Variants in NLRP8 observed in about 807,000 individuals in gnomAD.
The protein encoded by NLRP8 is NLR family pyrin domain containing 8.
In NLRP8, 86 loss-of-function variants were observed where a neutral mutation model predicts 88.7. The ratio of observed to expected loss-of-function variants is 0.97; its 90% CI spans 0.81 to 1.16. The LOEUF (loss-of-function observed/expected upper bound fraction) is 1.16, where lower values mean the gene tolerates loss of function less well. Among genes scored for constraint, NLRP8 ranks in the 50% most tolerant of loss-of-function variants. NLRP8 has a pLI of 0.00. For missense variants in NLRP8, 1,342 were observed against 1,286.5 expected, an observed-to-expected ratio of 1.04 and a Z score of -0.66; for synonymous variants, 504 against 494.6, an observed-to-expected ratio of 1.02 and a Z score of -0.25.
chr19:55,955,827 T>G lies in NLRP8; in HGVS notation c.1769T>G (p.Val590Gly). 1 of 1,614,134 alleles carries G rather than the reference T, an allele frequency of 6.2e-7. No homozygotes were observed. Among genetic ancestry groups the G allele is most frequent in the Non-Finnish European group, 8.5e-7 (1 of 1,180,018 alleles). ...GGTAATAAGAGGAAACTGCTGAAAG[T>G]CATACCTCTGTTGCATAAATGTGAC... The change falls in exon 3 of 10, where the codon GTC becomes GGC. Residue 590 changes from valine (V) to glycine (G), a missense_variant. Physicochemically the swap from Val to Gly is moderately radical, Grantham distance 109. Transcript: ENST00000291971.
intron 1 of NLRP8, among the ~76,000 whole-genome samples, chr19:55,948,505 G>A (rs1012776836): frequency 1.3e-5 from 2 of 152,074 alleles, no homozygotes; most frequent in Admixed American, 6.6e-5. Flanking sequence ...GCACAATCTC[G>A]GCTCACTGCA....
chr19:55,956,171 T>A, intron 3 of NLRP8, 71 bp downstream of exon 3: 1 of 1,454,738 alleles, frequency 6.9e-7, no homozygotes, highest in Non-Finnish European at 9.3e-7. Context: ...CCCGGGTGTT[T>A]AGGGGGTCAA....
At chr19:55,981,017 A>G (rs906787375) in intron 9 of NLRP8, among the ~76,000 whole-genome samples, 42 bp from the exon 10 acceptor site, 6 of 152,162 alleles carry the variant, frequency 3.9e-5, no homozygotes, top group African/African-American at 1.2e-4. Context: ...GCAAAAGAAA[A>G]CCAAATGTAA....
rs544459420 is a variant in NLRP8 at position 55,975,702 on chromosome 19, C to T, written c.2706-431C>T. Among the ~76,000 whole-genome samples, 7 of 149,336 alleles carry T rather than the reference C, an allele frequency of 4.7e-5. No individual in the cohort carries two copies. The South Asian group carries it at 1.5e-3, about 33-fold the overall frequency. ...CAAAAAGTCACATATTACATGATTCCATTTAAATGACATGCCAAAAATAGG... is the reference window on the plus strand; with the variant it reads ...CAAAAAGTCACATATTACATGATTCTATTTAAATGACATGCCAAAAATAGG... On this transcript the variant is annotated intron_variant, in intron 7 of 9. Transcript: ENST00000291971.
chr19:55,971,010 T>C (rs538544150), intron 6 of NLRP8, among the ~76,000 whole-genome samples: 2 of 152,288 alleles, frequency 1.3e-5, no homozygotes, highest in Non-Finnish European at 2.9e-5. Context: ...TCACTGGTTT[T>C]ATTGACCCTG....
Position 55,985,751 on chromosome 19 carries a change from C to T in NLRP8, c.3048-2063C>T, listed in dbSNP as rs142944826. Among the ~76,000 whole-genome samples the T allele has an allele frequency of 6.1e-3, 930 of 152,324 alleles. 12 individuals carry two copies. The highest frequency in any genetic ancestry group is 0.021 in the African/African-American group (862 of 41,582). On this transcript the variant is annotated intron_variant, in intron 9 of 9. Transcript: ENST00000291971. Reference sequence around the variant, plus strand: ...ACACATTTGGCCAGGCACACTGGCTCATGCCTGTAATCCCAGCACTTTGGG... The same window carrying T: ...ACACATTTGGCCAGGCACACTGGCTTATGCCTGTAATCCCAGCACTTTGGG...
At chr19:55,973,274 A>T (rs306485) in intron 6 of NLRP8, among the ~76,000 whole-genome samples, 6 of 151,960 alleles carry the variant, frequency 3.9e-5, no homozygotes, top group South Asian at 4.2e-4. Context: ...TCGTGTCCTT[A>T]GCCCACTTTT....
intron 3 of NLRP8, among the ~76,000 whole-genome samples, chr19:55,956,915 C>T (rs1979381622): frequency 6.6e-6 from 1 of 152,164 alleles, no homozygotes; most frequent in Non-Finnish European, 1.5e-5. Context: ...ACCTCAGCCT[C>T]CCAGGTATCT....
At chr19:55,964,216 G>A (rs184182382) in intron 4 of NLRP8, among the ~76,000 whole-genome samples, 31 of 152,228 alleles carry the variant, frequency 2.0e-4, no homozygotes, top group African/African-American at 6.5e-4. Context: ...GTTATTATTC[G>A]CTCCTGCTTA....
rs1186376134 is a variant in NLRP8, at chr19:55,947,961, A to C, written c.59A>C (p.His20Pro). Residue 20 changes from histidine to proline, a missense_variant, in exon 1 of 10, where the codon CAC becomes CCC. His to Pro is a moderately conservative substitution (Grantham distance 77, BLOSUM62 -2). Transcript: ENST00000291971. ...ATTCCCTTTTCATCCTCCTCCACTC[A>C]CAGTTCTCATATTCCGCCCTGGACA... 3 of 1,613,776 alleles carry C rather than the reference A, an allele frequency of 1.9e-6. No homozygotes were observed. Among genetic ancestry groups the C allele is most frequent in the Non-Finnish European group, 2.5e-6 (3 of 1,179,970 alleles).
chr19:55,961,967 A>G (rs1366281829), intron 3 of NLRP8, 100 bp from the exon 4 acceptor site: 3 of 1,174,268 alleles, frequency 2.6e-6, no homozygotes, highest in Non-Finnish European at 3.6e-6. Context: ...CTAGAGGCCT[A>G]TGGCCCTAAC....
chr19:55,980,462 C>T (rs79680267), intron 9 of NLRP8, among the ~76,000 whole-genome samples: 5,942 of 152,228 alleles, frequency 0.039, 170 homozygotes, highest in South Asian at 0.11. Context: ...GTCAGAAATA[C>T]GACAGCGATG....
chr19:55,969,724 CTCTCAT>C (rs1258909855), intron 5 of NLRP8, among the ~76,000 whole-genome samples: 1 of 152,126 alleles, frequency 6.6e-6, no homozygotes. Context: ...TTTGTATGAC[CTCTCAT>C]TTTGTTTTCA....
intron 4 of NLRP8, among the ~76,000 whole-genome samples, chr19:55,965,595 T>A (rs2123205614): frequency 6.6e-6 from 1 of 152,298 alleles, no homozygotes; most frequent in African/African-American, 2.4e-5. Context: ...CCCTTTGCTT[T>A]AAGAAAGCCT....
At chr19:55,968,276 G>C (rs1325824023) in intron 5 of NLRP8, among the ~76,000 whole-genome samples, 1 of 143,968 alleles carries the variant, frequency 6.9e-6, no homozygotes, top group South Asian at 2.2e-4. Flanking sequence ...CCGTCTCTAC[G>C]AAAAATACAA....
At chr19:55,974,432 T>G (rs1222854090) in intron 7 of NLRP8, among the ~76,000 whole-genome samples, 1 of 152,040 alleles carries the variant, frequency 6.6e-6, no homozygotes, top group Non-Finnish European at 1.5e-5. Context: ...AGCTTCCCTA[T>G]CTTAGTGCAC....
intron 1 of NLRP8, among the ~76,000 whole-genome samples, chr19:55,950,596 G>C (rs1979050149): frequency 6.6e-6 from 1 of 152,194 alleles, no homozygotes; most frequent in Non-Finnish European, 1.5e-5. Context: ...AAAAAATCGA[G>C]CTGACCTCCT....
chr19:55,966,299 A>G lies in NLRP8; in HGVS notation c.2300A>G (p.Gln767Arg). The G allele has an allele frequency of 1.9e-6, 3 of 1,614,082 alleles. No individual in the cohort carries two copies. The highest frequency in any genetic ancestry group is 2.5e-6 in the Non-Finnish European group (3 of 1,179,948). Residue 767 changes from glutamine (Q) to arginine (R), a missense_variant, in exon 5 of 10, where the codon CAA (glutamine) becomes CGA (arginine). Transcript: ENST00000291971. ...CAGCATCTGAGATACTTGGAAATAC[A>G]ACATGTGGAAGTGGAGTCCAAAGCT... is the stretch of plus-strand genomic sequence containing the variant.
intron 8 of NLRP8, among the ~76,000 whole-genome samples, chr19:55,977,098 A>T (rs1003393147): frequency 6.8e-6 from 1 of 147,822 alleles, no homozygotes; most frequent in African/African-American, 2.5e-5. Context: ...AAAAAGATAC[A>T]TATATACATA....
Sources: gnomAD v4.1 joint callset for allele counts (sites outside exome capture counted in the v4.1 genomes callset) on GRCh38, gnomAD v4.1.1 for gene constraint, MANE v1.5 for transcripts, NCBI Gene and HGNC (gene_info 2026-07-23, HGNC 2026-07-21) for gene names.